The following DENND2B variants were observed in gnomAD, a reference collection of about 807,000 sequenced individuals.
DENND2B encodes the protein DENN domain containing 2B, also known as DENN domain-containing protein 2B.
In DENND2B, 32 loss-of-function variants were observed where a neutral mutation model predicts 116.0. The ratio of observed to expected loss-of-function variants is 0.28; its 90% CI spans 0.21 to 0.37. The LOEUF (loss-of-function observed/expected upper bound fraction) is 0.37. DENND2B is among the 10% of genes least tolerant of loss of function. DENND2B has a pLI of 1.00. For synonymous variants in DENND2B, 588 were observed against 583.9 expected (o/e 1.01, Z -0.10); for missense variants, 1,276 against 1,477.7 (o/e 0.86, Z 2.24).
intron 3 of DENND2B, among the ~76,000 whole-genome samples, chr11:8,848,057 A>G (rs944645759): frequency 5.3e-5 from 8 of 152,230 alleles, no homozygotes; most frequent in Admixed American, 4.6e-4. Context: ...ATTTTTAAGC[A>G]TAAGAAAAAG....
intron 1 of DENND2B, among the ~76,000 whole-genome samples, chr11:8,887,121 C>T (rs1201145123): frequency 2.6e-5 from 4 of 152,216 alleles, no homozygotes; most frequent in African/African-American, 9.7e-5. Context: ...TGAGCCACCA[C>T]GCCCGGCCTG....
Position 8,702,462 on chromosome 11 carries a change from C to T in DENND2B, c.2720+110G>A. 2.0e-6 allele frequency: 3 copies of T among 1,481,310 alleles called. No homozygotes were observed. The highest frequency in any genetic ancestry group is 2.7e-6 in the Non-Finnish European group (3 of 1,094,230). 91.8% of individuals were successfully genotyped at this position (1,481,310 alleles called of 1,614,324 possible). A position where few individuals can be genotyped will look rare whatever the true frequency, so the allele number is the denominator to read the frequency against. On this transcript the variant is annotated intron_variant, in intron 14 of 19. Transcript: ENST00000313726. The surrounding 1 kb of genome is among the most constrained non-coding windows in gnomAD (Gnocchi z 4.6). ...TCTTCCATCTCCCTACGCACAGCCCCACTCCAGCACTGGTCTCCGGCGCCT... is the reference window on the plus strand; with the variant it reads ...TCTTCCATCTCCCTACGCACAGCCCTACTCCAGCACTGGTCTCCGGCGCCT...
At chr11:8,731,826 G>A (rs1055786356) in intron 2 of DENND2B, among the ~76,000 whole-genome samples, 5 of 152,198 alleles carry the variant, frequency 3.3e-5, no homozygotes, top group African/African-American at 9.7e-5. Context: ...CTACCAATGT[G>A]ACGTCACTGG....
chr11:8,900,056 C>T (rs1594358186), intron 1 of DENND2B, among the ~76,000 whole-genome samples: 1 of 152,076 alleles, frequency 6.6e-6, no homozygotes, highest in East Asian at 1.9e-4. Flanking sequence ...TTTAGGAGGC[C>T]GAGATGGGTG....
chr11:8,705,309 C>T (rs559446909), intron 13 of DENND2B, among the ~76,000 whole-genome samples: 4 of 152,240 alleles, frequency 2.6e-5, no homozygotes, highest in Middle Eastern at 6.8e-3. Flanking sequence ...AGGCTGTTTC[C>T]ACTTCCTCAC....
upstream of DENND2B, among the ~76,000 whole-genome samples, chr11:8,876,171 A>G (rs533351619): frequency 6.6e-6 from 1 of 152,288 alleles, no homozygotes; most frequent in East Asian, 1.9e-4. Context: ...GGATCGTTTG[A>G]GCCCAAGAGT....
chr11:8,798,828 C>CT (rs200890965), intron 1 of DENND2B, among the ~76,000 whole-genome samples: 74,238 of 134,172 alleles, frequency 0.55, 20,529 homozygotes, highest in Middle Eastern at 0.7. Context: ...TTTCCGGTTG[C>CT]TTTTTTTTTT....
intron 3 of DENND2B, among the ~76,000 whole-genome samples, chr11:8,848,795 T>C (rs1410701015): frequency 6.6e-6 from 1 of 152,180 alleles, no homozygotes; most frequent in African/African-American, 2.4e-5. Context: ...TTTGTGCATA[T>C]TTTGAAATAA....
intron 1 of DENND2B, among the ~76,000 whole-genome samples, chr11:8,884,519 G>A (rs185153032): frequency 1.5e-4 from 23 of 152,230 alleles, no homozygotes; most frequent in African/African-American, 4.8e-4. Context: ...ATTTCCTCTA[G>A]TATATTCAGC....
chr11:8,717,295 C>T (rs920469663), intron 5 of DENND2B, among the ~76,000 whole-genome samples: 1 of 152,210 alleles, frequency 6.6e-6, no homozygotes, highest in African/African-American at 2.4e-5. Flanking sequence ...GTTTGGGGAC[C>T]TACACCTAGC....
intron 1 of DENND2B, among the ~76,000 whole-genome samples, chr11:8,899,120 G>A (rs1228203415): frequency 6.6e-6 from 1 of 152,012 alleles, no homozygotes; most frequent in Non-Finnish European, 1.5e-5. Flanking sequence ...AAAAGAATCA[G>A]TAAACTGGAA....
intron 1 of DENND2B, among the ~76,000 whole-genome samples, chr11:8,806,449 CAGTTTT>C (rs1404858391): frequency 1.3e-5 from 2 of 152,092 alleles, no homozygotes; most frequent in Non-Finnish European, 2.9e-5. Flanking sequence ...AACATTCAGG[CAGTTTT>C]AGATGAGAAG....
intron 2 of DENND2B, among the ~76,000 whole-genome samples, chr11:8,866,585 G>A (rs1437051704): frequency 1.3e-5 from 2 of 152,140 alleles, no homozygotes; most frequent in Non-Finnish European, 2.9e-5. Flanking sequence ...TGACTTTCAG[G>A]TGACACAAAA....
At position 8,717,952 on chromosome 11, in the gene DENND2B, C is replaced by T. The variant is rs185407969; in HGVS notation, c.1478-60G>A. On this transcript the variant is annotated intron_variant, in intron 4 of 19. Coordinates refer to ENST00000313726, the MANE Select transcript of DENND2B (RefSeq NM_213618.2). ...GGGAAGAAGGAAACACACGAACTCA[C>T]ACACACACAAATAAACAAGCAGAAT... is the stretch of plus-strand genomic sequence containing the variant. The T allele has an allele frequency of 3.8e-6, 6 of 1,567,862 alleles. No individual in the cohort carries two copies. In the South Asian group the frequency reaches 6.8e-5, roughly 18 times the overall value.
intron 3 of DENND2B, among the ~76,000 whole-genome samples, chr11:8,849,664 G>C (rs1191467623): frequency 1.4e-5 from 2 of 146,688 alleles, no homozygotes; most frequent in Non-Finnish European, 3.0e-5. Flanking sequence ...CACTACTAAA[G>C]ATACAAAAAT....
chr11:8,886,707 A>C (rs978643421), intron 1 of DENND2B, among the ~76,000 whole-genome samples: 2 of 152,030 alleles, frequency 1.3e-5, no homozygotes, highest in Non-Finnish European at 2.9e-5. Context: ...CGTCACTTTT[A>C]ACATACATGA....
At chr11:8,885,600 C>A (rs2063951733) in intron 1 of DENND2B, among the ~76,000 whole-genome samples, 1 of 152,292 alleles carries the variant, frequency 6.6e-6, no homozygotes, top group East Asian at 1.9e-4. Context: ...GCATTTCTAA[C>A]TACATAATGA....
chr11:8,900,716 C>G (rs531128187), intron 1 of DENND2B, among the ~76,000 whole-genome samples: 5 of 151,904 alleles, frequency 3.3e-5, no homozygotes, highest in Admixed American at 3.3e-4. Context: ...CCTGTAATCC[C>G]AGCACTTTGG....
At chr11:8,762,309 G>A (rs998828450) in intron 1 of DENND2B, among the ~76,000 whole-genome samples, 1 of 152,140 alleles carries the variant, frequency 6.6e-6, no homozygotes, top group Non-Finnish European at 1.5e-5. Flanking sequence ...CACACCAGGT[G>A]TGTTCCTACC....
Sources: allele counts gnomAD v4.1 joint callset (sites outside exome capture counted in the v4.1 genomes callset), GRCh38; gene constraint gnomAD v4.1.1; non-coding constraint Gnocchi (gnomAD v3.1); transcripts MANE v1.5; gene names NCBI Gene and HGNC (gene_info 2026-07-23, HGNC 2026-07-21).